The following RHAG variants were observed in gnomAD, a reference collection of about 807,000 sequenced individuals.
RHAG encodes the protein ammonium transporter Rh type A.
RHAG carries 25 observed loss-of-function variants against 42.4 expected under a neutral mutation model. The ratio of observed to expected loss-of-function variants is 0.59; its 90% CI spans 0.43 to 0.82. The LOEUF (loss-of-function observed/expected upper bound fraction) is 0.82. Among genes scored for constraint, RHAG ranks in the 40% least tolerant of loss-of-function variants. The pLI is 0.00. For synonymous variants in RHAG, 182 were observed against 177.7 expected (o/e 1.02, Z -0.19); for missense variants, 483 against 504.6 (o/e 0.96, Z 0.41).
At chr6:49,628,845 G>A (rs916498608) in intron 1 of RHAG, among the ~76,000 whole-genome samples, 9 of 152,322 alleles carry the variant, frequency 5.9e-5, no homozygotes, top group South Asian at 2.1e-4. Context: ...CATAAAAGCA[G>A]TGTGGACCCA....
chr6:49,605,501 G>T lies in RHAG; in HGVS notation c.*312C>A. On this transcript the variant is annotated 3_prime_UTR_variant, in exon 10 of 10. Transcript: ENST00000371175. ...ATTAAGAAACTGACATGTTTACTCT[G>T]TATTTACTCACTGCCAAAAGCTTTT... The T allele has an allele frequency of 2.2e-6, 1 of 447,894 alleles. No individual in the cohort carries two copies. Among genetic ancestry groups the T allele is most frequent in the South Asian group, 2.2e-5 (1 of 45,392 alleles). 27.7% of individuals were successfully genotyped at this position (447,894 alleles called of 1,614,324 possible).
Position 49,615,653 on chromosome 6 carries a change from G to A in RHAG, c.611C>T (p.Ala204Val), listed in dbSNP as rs906490703. 13 of 1,614,006 alleles carry A rather than the reference G, an allele frequency of 8.1e-6. No individual in the cohort carries two copies. Among genetic ancestry groups the A allele is most frequent in the Non-Finnish European group, 1.1e-5 (13 of 1,180,030 alleles). Residue 204 changes from alanine to valine, a missense_variant, in exon 4 of 10, where the codon GCA becomes GTA. By Grantham distance (64) the Ala-to-Val change is moderately conservative. Transcript: ENST00000371175. ...LRKGHENEES[A>V]YYSDLFAMIG... The stretch of plus-strand genomic sequence containing the variant: ...CATTGCAAACAAGTCTGAGTAGTAT[G>A]CGGACTCTTCATTTTCATGCCCCTT...
intron 7 of RHAG, among the ~76,000 whole-genome samples, chr6:49,607,813 T>G (rs1371346576): frequency 6.6e-6 from 1 of 152,192 alleles, no homozygotes; most frequent in African/African-American, 2.4e-5. Context: ...AATGTGGGGA[T>G]CTTCTTAGCA....
chr6:49,612,576 T>G (rs199560648), intron 5 of RHAG, 42 bp from the exon 6 acceptor site: 223 of 1,612,688 alleles, frequency 1.4e-4, no homozygotes, highest in Non-Finnish European at 1.8e-4. Context: ...AGCTGGATGA[T>G]GGAGAATTCA....
At chr6:49,606,789 GTA>G (rs1293822208) in intron 9 of RHAG, 57 bp downstream of exon 9, 2 of 1,171,788 alleles carry the variant, frequency 1.7e-6, no homozygotes, top group Non-Finnish European at 2.6e-6. Flanking sequence ...CTTGAAGTGT[GTA>G]AAGCTTTCAC....
At chr6:49,636,525 A>G in intron 1 of RHAG, 131 bp downstream of exon 1, 1 of 978,040 alleles carries the variant, frequency 1.0e-6, no homozygotes, top group Non-Finnish European at 1.6e-6. Context: ...ACAAACATGT[A>G]ATATCCTTAG....
intron 1 of RHAG, among the ~76,000 whole-genome samples, chr6:49,619,998 C>T (rs1246074872): frequency 1.3e-5 from 2 of 152,114 alleles, no homozygotes; most frequent in African/African-American, 4.8e-5. Flanking sequence ...ATAATAGCAC[C>T]AGCCACGAAA....
At chr6:49,614,975 T>G in intron 4 of RHAG, 122 bp from the exon 5 acceptor site, 30 of 859,308 alleles carry the variant, frequency 3.5e-5, no homozygotes, top group Non-Finnish European at 5.1e-5. Context: ...TGAGATGGAG[T>G]GTCCCTCTGT....
chr6:49,617,537 G>A (rs1581942296), intron 3 of RHAG, among the ~76,000 whole-genome samples: 4 of 152,268 alleles, frequency 2.6e-5, no homozygotes, highest in Admixed American at 2.0e-4. Flanking sequence ...TTGAATTAAT[G>A]TTAATAGAAA....
rs886960805 is a variant in RHAG at position 49,632,481 on chromosome 6, C to T, written c.157+4175G>A. ...TCTGCTATCACAAGCTTATCAACTT[C>T]CTGATACTTGGCAAGGCTTTTCTAG... On this transcript the variant is annotated intron_variant, in intron 1 of 9. Coordinates refer to ENST00000371175, the MANE Select transcript of RHAG (RefSeq NM_000324.3). Among the ~76,000 whole-genome samples the T allele has an allele frequency of 5.3e-5, 8 of 152,274 alleles. No individual in the cohort carries two copies. The East Asian group carries it at 1.5e-3, about 29-fold the overall frequency.
chr6:49,611,270 G>T, intron 6 of RHAG, 125 bp from the exon 7 acceptor site: 4 of 727,354 alleles, frequency 5.5e-6, no homozygotes, highest in Non-Finnish European at 6.7e-6. Context: ...TAATTTTTAT[G>T]TATATTTAAG....
chr6:49,618,111 A>G lies in RHAG; in HGVS notation c.449T>C (p.Val150Ala). Residue 150 changes from valine (V) to alanine (A), a missense_variant, in exon 3 of 10, where the codon GTT (valine) becomes GCT (alanine). Transcript: ENST00000371175. ...CAGGTATTCATTGTGGGCAAAGAAA[A>G]CAATTTCTAAAATTGTCATGATCAG... ...QMLIMTILEI[V>A]FFAHNEYLVS... is the part of the protein sequence containing the mutation. 4 of 1,614,102 alleles carry G rather than the reference A, an allele frequency of 2.5e-6. No individual in the cohort carries two copies. Among genetic ancestry groups the G allele is most frequent in the Non-Finnish European group, 2.5e-6 (3 of 1,179,980 alleles).
intron 7 of RHAG, among the ~76,000 whole-genome samples, chr6:49,610,146 C>T (rs1762549386): frequency 6.6e-6 from 1 of 152,016 alleles, no homozygotes; most frequent in African/African-American, 2.4e-5. Flanking sequence ...AGATGACTGG[C>T]TGATGGGTGC....
chr6:49,628,508 T>C (rs1762877794), intron 1 of RHAG, among the ~76,000 whole-genome samples: 1 of 152,062 alleles, frequency 6.6e-6, no homozygotes, highest in Non-Finnish European at 1.5e-5. Flanking sequence ...AGGTGGCGTG[T>C]CTGGGTCTGG....
rs368280749 is a variant in RHAG, at chr6:49,633,894, C to T, written c.157+2762G>A. ...TTAGACATTCAGATGTGTCTGGTCA[C>T]ATATCTCCTTGTCTGCCTTTCCCTG... On this transcript the variant is annotated intron_variant, in intron 1 of 9. Coordinates refer to ENST00000371175, the MANE Select transcript of RHAG (RefSeq NM_000324.3). Among the ~76,000 whole-genome samples the T allele has an allele frequency of 3.3e-5, 5 of 152,204 alleles. No individual in the cohort carries two copies. The East Asian group carries it at 5.8e-4, about 18-fold the overall frequency.
At chr6:49,610,027 C>T (rs986348495) in intron 7 of RHAG, among the ~76,000 whole-genome samples, 3 of 151,488 alleles carry the variant, frequency 2.0e-5, no homozygotes. Context: ...AGTGAGAACA[C>T]ATGGACACAG....
intron 1 of RHAG, among the ~76,000 whole-genome samples, chr6:49,630,797 G>A (rs1414666064): frequency 6.6e-6 from 1 of 151,972 alleles, no homozygotes; most frequent in African/African-American, 2.4e-5. Context: ...GCCAACATCG[G>A]TATAATAATA....
At chr6:49,611,200 G>A in intron 6 of RHAG, 55 bp from the exon 7 acceptor site, 1 of 1,437,600 alleles carries the variant, frequency 7.0e-7, no homozygotes, top group African/African-American at 1.4e-5. Flanking sequence ...TAGAACTCTA[G>A]AACTGAAACA....
rs780618230 is a variant in RHAG at position 49,615,696 on chromosome 6, A to G, written c.568T>C (p.Tyr190His). ...TGCCCCTTTCTCAGTCCAGATCGAT[A>G]CAAGATGCCTGCTACAGCCAAGCCA... The part of the protein sequence containing the change: ...YFGLAVAGIL[Y>H]RSGLRKGHEN... Residue 190 changes from tyrosine (Y) to histidine (H), a missense_variant, in exon 4 of 10, where the codon TAT (tyrosine) becomes CAT (histidine). Physicochemically the swap from Tyr to His is moderately conservative, Grantham distance 83 (BLOSUM62 2). Coordinates refer to ENST00000371175, the MANE Select transcript of RHAG (RefSeq NM_000324.3). 6.2e-7 allele frequency: 1 copy of G among 1,614,168 alleles called. No homozygotes were observed. The highest frequency in any genetic ancestry group is 1.1e-5 in the South Asian group (1 of 91,082).
Sources: gnomAD v4.1 joint callset for allele counts (sites outside exome capture counted in the v4.1 genomes callset) on GRCh38, gnomAD v4.1.1 for gene constraint, MANE v1.5 for transcripts, NCBI Gene and HGNC (gene_info 2026-07-23, HGNC 2026-07-21) for gene names.